CNTRL: variants seen among roughly 807,000 people sequenced by gnomAD.
CNTRL encodes the protein centriolin, also known as 110 kDa centrosomal protein.
A neutral mutation model predicts 303.7 loss-of-function variants in CNTRL; 233 were observed. The observed-to-expected ratio is 0.77, with a 90% CI of 0.69 to 0.86. The LOEUF is 0.86. Ranked by LOEUF, CNTRL falls within the 40% of genes least tolerant of loss-of-function variation. CNTRL has a pLI of 0.00. For missense variants in CNTRL, 2,524 were observed against 2,650.6 expected (o/e 0.95, Z 1.05); for synonymous variants, 900 against 922.2 (o/e 0.98, Z 0.44).
chr9:121,143,930 G>A lies in CNTRL; in HGVS notation c.2899G>A (p.Glu967Lys), dbSNP rs1425883340. Residue 967 changes from glutamate to lysine, a missense_variant, in exon 20 of 44, where the codon GAG becomes AAG. Transcript: ENST00000373855. The stretch of plus-strand genomic sequence containing the variant: ...GAAACTTGAAGATGCCAAATCTCAG[G>A]AGCAAGTTTTTGGTTTAGATAAAGA... ...KKKLEDAKSQ[E>K]QVFGLDKELK... 6.3e-7 allele frequency: 1 copy of A among 1,599,088 alleles called. No homozygotes were observed. The highest frequency in any genetic ancestry group is 2.2e-5 in the East Asian group (1 of 44,794).
chr9:121,122,973 T>C (rs2050314845), intron 12 of CNTRL, among the ~76,000 whole-genome samples: 1 of 152,182 alleles, frequency 6.6e-6, no homozygotes, highest in Admixed American at 6.5e-5. Context: ...TCTCAGTTTA[T>C]TGAAAAGCCA....
chr9:121,117,703 G>A (rs2050040112), intron 11 of CNTRL, among the ~76,000 whole-genome samples: 1 of 152,120 alleles, frequency 6.6e-6, no homozygotes, highest in African/African-American at 2.4e-5. Flanking sequence ...AAAGAGGCTG[G>A]GCATGGTGGC....
chr9:121,083,080 G>A (rs1157206806), intron 2 of CNTRL, among the ~76,000 whole-genome samples: 4 of 152,030 alleles, frequency 2.6e-5, no homozygotes, highest in Non-Finnish European at 5.9e-5. Context: ...AGGACTGGAA[G>A]TTTCTTTCCC....
intron 2 of CNTRL, among the ~76,000 whole-genome samples, chr9:121,087,454 G>A (rs1434005333): frequency 1.3e-5 from 2 of 152,130 alleles, no homozygotes; most frequent in African/African-American, 4.8e-5. Context: ...ACTTTGGGAG[G>A]CCAAGGCACG....
intron 21 of CNTRL, 21 bp downstream of exon 21, chr9:121,144,980 A>G: frequency 6.4e-7 from 1 of 1,572,190 alleles, no homozygotes; most frequent in Non-Finnish European, 8.7e-7. Flanking sequence ...GTACCCAGAG[A>G]CCTCCTCTTT....
At chr9:121,122,503 T>G (rs1395149328) in intron 12 of CNTRL, 8 of 553,644 alleles carry the variant, frequency 1.4e-5, no homozygotes, top group Non-Finnish European at 1.8e-5. Flanking sequence ...TGGTGTTCAT[T>G]TTTCTGACTG....
chr9:121,156,510 A>G (rs1369770787), intron 27 of CNTRL, among the ~76,000 whole-genome samples: 1 of 152,342 alleles, frequency 6.6e-6, no homozygotes, highest in East Asian at 1.9e-4. Flanking sequence ...CTGAAATGGA[A>G]AGACGTATGG....
chr9:121,151,517 A>G (rs772059521), intron 25 of CNTRL, among the ~76,000 whole-genome samples: 2 of 149,886 alleles, frequency 1.3e-5, no homozygotes, highest in Admixed American at 1.4e-4. Flanking sequence ...CAGCCTCCCA[A>G]GTAGCTGGGA....
chr9:121,085,652 G>A (rs1483148029), intron 2 of CNTRL, among the ~76,000 whole-genome samples: 1 of 152,144 alleles, frequency 6.6e-6, no homozygotes, highest in Non-Finnish European at 1.5e-5. Flanking sequence ...TCATTCTGTA[G>A]GAAGAAAGTA....
intron 2 of CNTRL, among the ~76,000 whole-genome samples, chr9:121,086,592 G>A (rs2048351036): frequency 6.6e-6 from 1 of 151,256 alleles, no homozygotes; most frequent in Non-Finnish European, 1.5e-5. Flanking sequence ...CACCTTGTAG[G>A]TCATGGTAAA....
At position 121,127,917 on chromosome 9, in the gene CNTRL, A is replaced by G. The variant is rs1057295221; in HGVS notation, c.2025+1981A>G. Among the ~76,000 whole-genome samples the G allele has an allele frequency of 1.5e-4, 23 of 150,730 alleles. 2 individuals are homozygous for G. The highest frequency in any genetic ancestry group is 2.4e-5 in the African/African-American group (1 of 40,984). On this transcript the variant is annotated intron_variant, in intron 14 of 43. Transcript: ENST00000373855. ...GTGTTTGGTTTTCTGTCCTTGTGAT[A>G]GTTTGCAAAGAATGATGGTTTCCAG... is the stretch of plus-strand genomic sequence containing the variant.
In CNTRL at chr9:121,088,280, C is replaced by T. The variant is rs758616913; in HGVS notation, c.-31-16C>T. On this transcript the variant is annotated splice_polypyrimidine_tract_variant and intron_variant, in intron 2 of 43. Transcript: ENST00000373855. ...TTAAAAATTAATCTTGTTGAATATACTGAAAACTCTTACAGGTTTTGATGA... is the reference window on the plus strand; with the variant it reads ...TTAAAAATTAATCTTGTTGAATATATTGAAAACTCTTACAGGTTTTGATGA... 1 of 1,172,482 alleles carries T rather than the reference C, an allele frequency of 8.5e-7. No individual in the cohort carries two copies. The highest frequency in any genetic ancestry group is 1.3e-5 in the South Asian group (1 of 77,828). The allele number at this position is 1,172,482 out of a possible 1,614,324, so 72.6% of individuals were successfully genotyped here. A position where few individuals can be genotyped will look rare whatever the true frequency, so the allele number is the denominator to read the frequency against.
At chr9:121,138,822 C>A in intron 16 of CNTRL, 143 bp downstream of exon 16, 1 of 701,942 alleles carries the variant, frequency 1.4e-6, no homozygotes, top group Non-Finnish European at 2.3e-6. Flanking sequence ...GGTGGAGCAG[C>A]ACCATAGCTC....
chr9:121,123,645 A>G (rs1162444665), intron 12 of CNTRL, among the ~76,000 whole-genome samples: 1 of 152,110 alleles, frequency 6.6e-6, no homozygotes, highest in Admixed American at 6.5e-5. Flanking sequence ...AGACAATTTA[A>G]TGCAACGCAA....
chr9:121,150,760 C>A (rs569005939), intron 25 of CNTRL: 3 of 376,278 alleles, frequency 8.0e-6, no homozygotes, highest in East Asian at 9.2e-5. Flanking sequence ...AAAACAAAAA[C>A]CAAAAAAACA....
intron 27 of CNTRL, 40 bp downstream of exon 27, chr9:121,154,953 G>C: frequency 6.5e-7 from 1 of 1,544,370 alleles, no homozygotes. Flanking sequence ...CTCAGTGTGG[G>C]TGAGTCAGCT....
intron 14 of CNTRL, among the ~76,000 whole-genome samples, chr9:121,131,002 G>A (rs2050822285): frequency 6.6e-6 from 1 of 152,074 alleles, no homozygotes; most frequent in East Asian, 1.9e-4. Flanking sequence ...GAGACAGTTT[G>A]TTGTGATTTC....
chr9:121,121,952 G>A lies in CNTRL; in HGVS notation c.1651-1979G>A, dbSNP rs540000185. On this transcript the variant is annotated intron_variant, in intron 12 of 43. Transcript: ENST00000373855. ...TTAACAGGATAAATTTTAAGTTAAG[G>A]TATGATATTTTTTCTCTCTCTGTAC... is the stretch of plus-strand genomic sequence containing the variant. The A allele has an allele frequency of 1.3e-3, 1,252 of 984,248 alleles. 1 individual carries two copies. The highest frequency in any genetic ancestry group is 2.7e-3 in the South Asian group (58 of 21,266). The allele number at this position is 984,248 out of a possible 1,614,324, so 61.0% of individuals were successfully genotyped here.
At chr9:121,165,220 T>C in intron 35 of CNTRL, 120 bp downstream of exon 35, 1 of 1,002,058 alleles carries the variant, frequency 1.0e-6, no homozygotes. Flanking sequence ...AAAATTAGAT[T>C]GTGGTAATGT....
Sources: allele counts gnomAD v4.1 joint callset (sites outside exome capture counted in the v4.1 genomes callset), GRCh38; gene constraint gnomAD v4.1.1; transcripts MANE v1.5; gene names NCBI Gene and HGNC (gene_info 2026-07-23, HGNC 2026-07-21).